Variants in LRRC4C observed in about 807,000 individuals in gnomAD.
LRRC4C encodes leucine-rich repeat-containing protein 4C.
A neutral mutation model predicts 33.6 loss-of-function variants in LRRC4C; 5 were observed. That is an observed-to-expected ratio of 0.15 (90% CI 0.08 to 0.31). The LOEUF (loss-of-function observed/expected upper bound fraction) is 0.31, where lower values mean the gene tolerates loss of function less well. LRRC4C is among the 10% of genes least tolerant of loss of function. The pLI, the probability that LRRC4C is intolerant of heterozygous loss-of-function variation, is 1.00. For synonymous variants in LRRC4C, 329 were observed against 302.0 expected, an observed-to-expected ratio of 1.09 and a Z score of -0.93; for missense variants, 560 against 796.7, an observed-to-expected ratio of 0.70 and a Z score of 3.58.
intron 3 of LRRC4C, among the ~76,000 whole-genome samples, chr11:40,620,287 G>GA (rs558583196): frequency 1.3e-3 from 192 of 151,604 alleles, no homozygotes; most frequent in Non-Finnish European, 1.8e-3. Context: ...CTAGAATAAA[G>GA]AAAAAAATCA....
At chr11:40,392,656 A>G (rs1286815512) in intron 3 of LRRC4C, among the ~76,000 whole-genome samples, 4 of 152,146 alleles carry the variant, frequency 2.6e-5, no homozygotes, top group African/African-American at 9.7e-5. Context: ...TTATAATATC[A>G]GTATTTTAAT....
Position 41,319,242 on chromosome 11 carries a change from C to T in LRRC4C, c.-496+140189G>A, listed in dbSNP as rs1376056267. ...AGTAGTATCAGCAGAACATTTCTGT[C>T]GAGAAAACATAAAATGCTGTAATAG... is the stretch of plus-strand genomic sequence containing the variant. On this transcript the variant is annotated intron_variant, in intron 1 of 6. Transcript: ENST00000528697. 2.6e-5 allele frequency among the ~76,000 whole-genome samples: 4 copies of T among 151,908 alleles called. No individual in the cohort carries two copies. In the East Asian group the frequency reaches 5.8e-4, roughly 22 times the overall value.
intron 1 of LRRC4C, among the ~76,000 whole-genome samples, chr11:41,363,480 C>T (rs1288217444): frequency 1.3e-5 from 2 of 152,120 alleles, no homozygotes; most frequent in Non-Finnish European, 2.9e-5. Context: ...ATTCTGAATA[C>T]CCCTGTTGAA....
At chr11:40,671,609 C>T (rs1476436840) in intron 2 of LRRC4C, among the ~76,000 whole-genome samples, 2 of 150,822 alleles carry the variant, frequency 1.3e-5, no homozygotes, top group East Asian at 2.0e-4. Context: ...TACCCAATGC[C>T]GCTTAATGTC....
chr11:40,493,417 C>T (rs867370926), intron 3 of LRRC4C, among the ~76,000 whole-genome samples: 3 of 151,866 alleles, frequency 2.0e-5, no homozygotes, highest in Admixed American at 6.6e-5. Flanking sequence ...CAAGAAAGTC[C>T]TAACACAACA....
At chr11:40,604,643 C>A (rs1020985460) in intron 3 of LRRC4C, among the ~76,000 whole-genome samples, 18 of 151,950 alleles carry the variant, frequency 1.2e-4, no homozygotes, top group African/African-American at 4.3e-4. Context: ...ATACAGTGAT[C>A]AAAATTAAAG....
intron 3 of LRRC4C, among the ~76,000 whole-genome samples, chr11:40,426,559 C>T (rs1950723932): frequency 6.6e-6 from 1 of 152,106 alleles, no homozygotes; most frequent in Non-Finnish European, 1.5e-5. Flanking sequence ...CTGCAGCTAC[C>T]GATCTTCTGG....
chr11:40,730,677 A>G (rs372991515), intron 2 of LRRC4C, among the ~76,000 whole-genome samples: 117 of 152,282 alleles, frequency 7.7e-4, no homozygotes, highest in African/African-American at 2.8e-3. Context: ...TTGACTTTGA[A>G]CTTTATTATA....
intron 3 of LRRC4C, among the ~76,000 whole-genome samples, chr11:40,487,577 G>A (rs927641805): frequency 7.9e-5 from 12 of 152,058 alleles, no homozygotes; most frequent in African/African-American, 9.7e-5. Flanking sequence ...ATGCATTACC[G>A]TGTAGGGAAT....
intron 5 of LRRC4C, among the ~76,000 whole-genome samples, chr11:40,166,448 C>T (rs563840117): frequency 6.6e-5 from 10 of 152,046 alleles, no homozygotes; most frequent in East Asian, 3.8e-4. Flanking sequence ...CCTTGAGGAG[C>T]GGGCAGTTAC....
intron 3 of LRRC4C, among the ~76,000 whole-genome samples, chr11:40,533,127 CA>C (rs1338943406): frequency 3.9e-5 from 6 of 152,020 alleles, no homozygotes; most frequent in African/African-American, 1.4e-4. Context: ...GGGGACATAG[CA>C]AAATCACATC....
chr11:41,166,168 C>G (rs1944717653), intron 1 of LRRC4C, among the ~76,000 whole-genome samples: 1 of 150,942 alleles, frequency 6.6e-6, no homozygotes. Context: ...CTAAATAAAA[C>G]AAGGTGCTCC....
intron 1 of LRRC4C, among the ~76,000 whole-genome samples, chr11:41,198,346 A>G (rs1946267420): frequency 2.0e-5 from 3 of 152,064 alleles, no homozygotes; most frequent in African/African-American, 7.2e-5. Context: ...TACCTAGATT[A>G]AAAACATAAT....
At chr11:41,186,557 T>C (rs1945703430) in intron 1 of LRRC4C, among the ~76,000 whole-genome samples, 1 of 152,192 alleles carries the variant, frequency 6.6e-6, no homozygotes, top group Non-Finnish European at 1.5e-5. Context: ...GATATTGATA[T>C]GTTGTGATTT....
chr11:40,801,771 AGTAATAGAG>A (rs1951053923), intron 2 of LRRC4C, among the ~76,000 whole-genome samples: 1 of 152,154 alleles, frequency 6.6e-6, no homozygotes, highest in Non-Finnish European at 1.5e-5. Flanking sequence ...TTGACCTAAA[AGTAATAGAG>A]TAAGTGAAAT....
At chr11:40,650,623 ACAT>A (rs979595296) in intron 2 of LRRC4C, among the ~76,000 whole-genome samples, 3 of 152,194 alleles carry the variant, frequency 2.0e-5, no homozygotes, top group African/African-American at 7.2e-5. Context: ...TTGTTATTTG[ACAT>A]CACATAATTT....
At chr11:41,044,824 A>G (rs1408067158) in intron 1 of LRRC4C, among the ~76,000 whole-genome samples, 1 of 152,134 alleles carries the variant, frequency 6.6e-6, no homozygotes, top group Non-Finnish European at 1.5e-5. Context: ...GTATTGTTGA[A>G]AGTACTTGCA....
Position 40,449,185 on chromosome 11 carries a change from C to A in LRRC4C, c.-269-129464G>T, listed in dbSNP as rs540825051. On this transcript the variant is annotated intron_variant, in intron 3 of 6. Transcript: ENST00000528697. ...TAGATTGCAAAAATTGTCTTCAATT[C>A]TGTAGGTTGTTCACTCTGATGATAG... is the stretch of plus-strand genomic sequence containing the variant. Among the ~76,000 whole-genome samples, 793 of 152,086 alleles carry A rather than the reference C, an allele frequency of 5.2e-3. 1 individual carries two copies. Among genetic ancestry groups the A allele is most frequent in the Non-Finnish European group, 8.1e-3 (550 of 68,006 alleles).
intron 1 of LRRC4C, among the ~76,000 whole-genome samples, chr11:40,992,196 C>T (rs1304245330): frequency 4.6e-5 from 7 of 152,064 alleles, no homozygotes; most frequent in South Asian, 4.2e-4. Context: ...AAAACATATC[C>T]GAACTGACTG....
Sources: allele counts gnomAD v4.1 joint callset (sites outside exome capture counted in the v4.1 genomes callset), GRCh38; gene constraint gnomAD v4.1.1; transcripts MANE v1.5; gene names NCBI Gene and HGNC (gene_info 2026-07-23, HGNC 2026-07-21).